HERC3: variants seen among roughly 807,000 people sequenced by gnomAD.
HERC3 encodes HECT and RLD domain containing E3 ubiquitin protein ligase 3.
A neutral mutation model predicts 129.9 loss-of-function variants in HERC3; 58 were observed. That is an observed-to-expected ratio of 0.45 (90% CI 0.36 to 0.56). HERC3 has a LOEUF of 0.56. HERC3 is among the 20% of genes least tolerant of loss of function. HERC3 has a pLI of 0.00. For synonymous variants in HERC3, 430 were observed against 451.0 expected (o/e 0.95, Z 0.59); for missense variants, 835 against 1,244.2 (o/e 0.67, Z 4.95).
chr4:88,685,347 C>T (rs1178845658), intron 21 of HERC3, among the ~76,000 whole-genome samples: 1 of 152,144 alleles, frequency 6.6e-6, no homozygotes, highest in Non-Finnish European at 1.5e-5. Context: ...GGAATCAACC[C>T]AAATGCCCAT....
chr4:88,676,489 A>C, intron 18 of HERC3, 66 bp downstream of exon 18: 2 of 1,125,928 alleles, frequency 1.8e-6, no homozygotes, highest in Non-Finnish European at 2.6e-6. Context: ...ATTCAGTTGT[A>C]ATTTTTTCTA....
the HERC3 span, among the ~76,000 whole-genome samples, chr4:88,578,425 T>A: frequency 1.3e-5 from 2 of 151,598 alleles, no homozygotes; most frequent in Non-Finnish European, 2.9e-5. Context: ...CTACTAAAAA[T>A]ACAAAAATTA....
the HERC3 span, among the ~76,000 whole-genome samples, chr4:88,528,793 T>C: frequency 6.6e-6 from 1 of 152,228 alleles, no homozygotes; most frequent in Non-Finnish European, 1.5e-5. Flanking sequence ...AACCAGTTAC[T>C]TAGTTGATAA....
chr4:88,598,940 G>A (rs1410007251), intron 2 of HERC3, among the ~76,000 whole-genome samples: 1 of 152,192 alleles, frequency 6.6e-6, no homozygotes, highest in Non-Finnish European at 1.5e-5. Context: ...GCAGCCAAGC[G>A]GGGCTGGTGT....
intron 3 of HERC3, among the ~76,000 whole-genome samples, chr4:88,632,170 C>T (rs28537232): frequency 0.097 from 14,701 of 152,220 alleles, 1,088 homozygotes; most frequent in South Asian, 0.23. Context: ...CTCTTTGGCT[C>T]ACCTCTGTGT....
intron 2 of HERC3, among the ~76,000 whole-genome samples, chr4:88,598,502 A>G (rs941291393): frequency 6.6e-6 from 1 of 152,224 alleles, no homozygotes; most frequent in Non-Finnish European, 1.5e-5. Context: ...GACAGGAGTC[A>G]CAATCCCATC....
intron 3 of HERC3, among the ~76,000 whole-genome samples, chr4:88,621,885 T>C (rs771605273): frequency 6.6e-6 from 1 of 152,246 alleles, no homozygotes; most frequent in Non-Finnish European, 1.5e-5. Flanking sequence ...TGTGACTATA[T>C]CTGCAGTAGA....
Position 88,707,121 on chromosome 4 carries a change from TA to T in HERC3, c.*164del, listed in dbSNP as rs773271603. The T allele has an allele frequency of 1.3e-5, 8 of 636,180 alleles. No homozygotes were observed. The highest frequency in any genetic ancestry group is 1.9e-5 in the Non-Finnish European group (7 of 367,738). 39.4% of individuals were successfully genotyped at this position (636,180 alleles called of 1,614,324 possible). A position where few individuals can be genotyped will look rare whatever the true frequency, so the allele number is the denominator to read the frequency against. ...ATGTGTTTCTGGGATTGTATAGCAGTAAACAACCTTTTTGAAAAATTAGAGG... is the reference window on the plus strand; with the variant it reads ...ATGTGTTTCTGGGATTGTATAGCAGTAACAACCTTTTTGAAAAATTAGAGG... On this transcript the variant is annotated 3_prime_UTR_variant, in exon 26 of 26. Transcript: ENST00000402738.
the HERC3 span, among the ~76,000 whole-genome samples, chr4:88,575,351 C>G: frequency 6.6e-6 from 1 of 152,240 alleles, no homozygotes; most frequent in Admixed American, 6.5e-5. Context: ...AAGCTGAATA[C>G]TGATTTGGTC....
At chr4:88,528,600 G>T in the HERC3 span, among the ~76,000 whole-genome samples, 1 of 152,104 alleles carries the variant, frequency 6.6e-6, no homozygotes, top group African/African-American at 2.4e-5. Flanking sequence ...AGGGTCCTAG[G>T]TCCAGGCTCA....
chr4:88,585,850 C>T, the HERC3 span, among the ~76,000 whole-genome samples: 1 of 151,652 alleles, frequency 6.6e-6, no homozygotes, highest in Non-Finnish European at 1.5e-5. Flanking sequence ...TAACATTTTT[C>T]TTTGTTTGTA....
chr4:88,647,847 A>G (rs1239598832), intron 3 of HERC3, among the ~76,000 whole-genome samples: 1 of 150,732 alleles, frequency 6.6e-6, no homozygotes, highest in Admixed American at 6.6e-5. Flanking sequence ...ATGTCTCTAA[A>G]TAACATGCTT....
chr4:88,693,102 TG>T (rs2149333940), intron 23 of HERC3: 1 of 984,538 alleles, frequency 1.0e-6, no homozygotes, highest in Non-Finnish European at 1.2e-6. Flanking sequence ...TAATAGTGAC[TG>T]CCATGGTTTG....
the HERC3 span, chr4:88,528,210 T>C: frequency 3.5e-4 from 57 of 163,596 alleles, no homozygotes; most frequent in Non-Finnish European, 8.1e-5. Flanking sequence ...GTTTCATCTT[T>C]GGAAATCCAA....
intron 3 of HERC3, among the ~76,000 whole-genome samples, chr4:88,636,993 G>A (rs1727484570): frequency 6.6e-6 from 1 of 152,134 alleles, no homozygotes; most frequent in African/African-American, 2.4e-5. Context: ...GCCAGGTGTG[G>A]CAGTGTGCGC....
the HERC3 span, among the ~76,000 whole-genome samples, chr4:88,552,545 A>G: frequency 6.6e-6 from 1 of 152,184 alleles, no homozygotes; most frequent in Non-Finnish European, 1.5e-5. Context: ...GGGCCACCAC[A>G]ACTGGCTCAC....
At chr4:88,550,935 A>C in the HERC3 span, among the ~76,000 whole-genome samples, 3 of 151,088 alleles carry the variant, frequency 2.0e-5, no homozygotes, top group Admixed American at 2.0e-4. Context: ...ACCAAAACAG[A>C]GATATAGATC....
chr4:88,625,972 A>G (rs964800985), intron 3 of HERC3, among the ~76,000 whole-genome samples: 3 of 151,760 alleles, frequency 2.0e-5, no homozygotes, highest in Non-Finnish European at 2.9e-5. Flanking sequence ...TATTAAGCCA[A>G]CCTCTCATTC....
Position 88,677,753 on chromosome 4 carries a change from A to C in HERC3, c.2026-211A>C, listed in dbSNP as rs111826608. Among the ~76,000 whole-genome samples the C allele has an allele frequency of 4.9e-3, 750 of 152,292 alleles. 6 individuals are homozygous for C. The highest frequency in any genetic ancestry group is 0.017 in the African/African-American group (716 of 41,564). On this transcript the variant is annotated intron_variant, in intron 18 of 25. Transcript: ENST00000402738. ...TGATTATAGATCATATGATTCATAA[A>C]CTGTTTTAGTTAATTTCTGTGAGTC...
Sources: allele counts gnomAD v4.1 joint callset (sites outside exome capture counted in the v4.1 genomes callset), GRCh38; gene constraint gnomAD v4.1.1; transcripts MANE v1.5; gene names NCBI Gene and HGNC (gene_info 2026-07-23, HGNC 2026-07-21).